The following DOCK11 variants were observed in gnomAD, a reference collection of about 807,000 sequenced individuals.
The protein encoded by DOCK11 is dedicator of cytokinesis 11.
In DOCK11, 70 loss-of-function variants were observed where a neutral mutation model predicts 169.1. The observed-to-expected ratio is 0.41, with a 90% CI of 0.34 to 0.51. The LOEUF (loss-of-function observed/expected upper bound fraction) is 0.51. Ranked by LOEUF, DOCK11 falls within the 20% of genes least tolerant of loss-of-function variation. DOCK11 has a pLI of 0.10. For synonymous variants in DOCK11, 529 were observed against 541.3 expected (o/e 0.98, Z 0.32); for missense variants, 1,166 against 1,538.8 (o/e 0.76, Z 4.05).
intron 38 of DOCK11, 81 bp from the exon 39 acceptor site, chrX:118,641,109 A>T: frequency 1.3e-6 from 1 of 748,592 alleles, no homozygotes; most frequent in South Asian, 2.2e-5. Flanking sequence ...TCTTGTCTTA[A>T]GTCTTTGGGT....
chrX:118,533,798 G>C (rs1387853290), intron 1 of DOCK11, among the ~76,000 whole-genome samples: 1 of 112,303 alleles, frequency 8.9e-6, no homozygotes, highest in Non-Finnish European at 1.9e-5. Flanking sequence ...TCTTTTTGTT[G>C]TTGTTGTTGT....
intron 1 of DOCK11, among the ~76,000 whole-genome samples, chrX:118,526,494 G>T (rs766288765): frequency 8.9e-6 from 1 of 112,237 alleles, no homozygotes; most frequent in South Asian, 3.7e-4. Context: ...CTTGCTTACA[G>T]TCTGAACGTG....
intron 44 of DOCK11, among the ~76,000 whole-genome samples, chrX:118,659,084 A>G (rs1216108510): frequency 9.0e-6 from 1 of 111,366 alleles, no homozygotes; most frequent in Non-Finnish European, 1.9e-5. Context: ...TTTCCTAGTC[A>G]TAGCTTTTCC....
At chrX:118,672,502 G>A (rs190048527) in intron 46 of DOCK11, among the ~76,000 whole-genome samples, 9 of 112,477 alleles carry the variant, frequency 8.0e-5, no homozygotes, top group East Asian at 2.8e-4. Flanking sequence ...GCGCTATCTC[G>A]GCTCACTGCA....
chrX:118,557,344 C>A (rs774510409), intron 6 of DOCK11, among the ~76,000 whole-genome samples: 1 of 111,255 alleles, frequency 9.0e-6, no homozygotes, highest in Non-Finnish European at 1.9e-5. Flanking sequence ...AGAAAGTAAA[C>A]TGTGTGGATA....
At position 118,510,930 on chromosome X, in the gene DOCK11, C is replaced by A. The variant is rs765209207; in HGVS notation, c.102+14857C>A. On this transcript the variant is annotated intron_variant, in intron 1 of 52. Coordinates refer to ENST00000276202, the MANE Select transcript of DOCK11 (RefSeq NM_144658.4). ...GATAAATGGAAACTTCCCCTCTCTA[C>A]CACATCTAGTCACTGCCATCTTAGA... is the stretch of plus-strand genomic sequence containing the variant. Among the ~76,000 whole-genome samples the A allele has an allele frequency of 3.6e-5, 4 of 112,216 alleles. No individual in the cohort carries two copies. The South Asian group carries it at 1.5e-3, about 42-fold the overall frequency.
At chrX:118,622,765 C>T (rs1467998142) in intron 31 of DOCK11, among the ~76,000 whole-genome samples, 4 of 111,632 alleles carry the variant, frequency 3.6e-5, no homozygotes, top group African/African-American at 6.5e-5. Flanking sequence ...CTGGGTTTTG[C>T]GCATGTCTCT....
chrX:118,498,792 C>A (rs1011866749), intron 1 of DOCK11, among the ~76,000 whole-genome samples: 4 of 110,423 alleles, frequency 3.6e-5, no homozygotes, highest in African/African-American at 1.3e-4. Flanking sequence ...TTTGGAATTA[C>A]ACCCTTGTTG....
At position 118,654,589 on chromosome X, in the gene DOCK11, G is replaced by A. The variant is rs751919307; in HGVS notation, c.4696-13G>A. On this transcript the variant is annotated splice_polypyrimidine_tract_variant and intron_variant, in intron 42 of 52. Coordinates refer to ENST00000276202, the MANE Select transcript of DOCK11 (RefSeq NM_144658.4). ...GTTGTTCAACTTGTCTTTTTTGTTT[G>A]TTTTGAAATTAGGCAACTGCCTTTC... 29 of 1,205,278 alleles carry A rather than the reference G, an allele frequency of 2.4e-5. No individual in the cohort carries two copies. In the Admixed American group the frequency reaches 2.6e-4, roughly 11 times the overall value.
chrX:118,660,493 G>A (rs186931832), intron 44 of DOCK11, among the ~76,000 whole-genome samples: 340 of 110,432 alleles, frequency 3.1e-3, no homozygotes, highest in Non-Finnish European at 5.6e-3. Flanking sequence ...TTGAGATGGC[G>A]TCTCGCTGTG....
At chrX:118,625,018 G>A (rs1193472339) in intron 32 of DOCK11, among the ~76,000 whole-genome samples, 2 of 110,216 alleles carry the variant, frequency 1.8e-5, no homozygotes, top group African/African-American at 3.3e-5. Context: ...TCTCAGCCCC[G>A]TGAAGTGCTG....
intron 10 of DOCK11, among the ~76,000 whole-genome samples, chrX:118,571,375 G>C (rs1453899099): frequency 1.9e-5 from 2 of 107,337 alleles, no homozygotes; most frequent in Admixed American, 2.0e-4. Flanking sequence ...TTCTGAGACA[G>C]GATCTCACTC....
At chrX:118,541,695 C>T (rs2012009213) in intron 1 of DOCK11, among the ~76,000 whole-genome samples, 1 of 111,937 alleles carries the variant, frequency 8.9e-6, no homozygotes. Flanking sequence ...GTACAGAAAG[C>T]GCTTAGCACA....
At chrX:118,605,477 G>A in intron 24 of DOCK11, 121 bp downstream of exon 24, 1 of 447,270 alleles carries the variant, frequency 2.2e-6, no homozygotes, top group Non-Finnish European at 3.8e-6. Flanking sequence ...CATAGGTTTT[G>A]GTATGTTGTG....
chrX:118,614,264 C>T (rs913379491), intron 28 of DOCK11, among the ~76,000 whole-genome samples: 2 of 111,742 alleles, frequency 1.8e-5, no homozygotes, highest in African/African-American at 6.5e-5. Flanking sequence ...GCCTCACTTT[C>T]ATCAGCTAAC....
At chrX:118,679,918 A>ATTTT (rs55756738) in intron 48 of DOCK11, among the ~76,000 whole-genome samples, 14 of 55,425 alleles carry the variant, frequency 2.5e-4, no homozygotes, top group African/African-American at 6.9e-4. Context: ...GATTACAGTA[A>ATTTT]TTTTTTTTTT....
In DOCK11 at chrX:118,675,971, T is replaced by C; in HGVS notation, c.5235T>C (p.Ala1745=). ...LTQVYRTLHG[A]YTKILEVMHT... ...AAGTTTATAGAACTCTTCATGGAGCTTACACAAAAATTCTGGAAGTTATGC... is the reference window on the plus strand; with the variant it reads ...AAGTTTATAGAACTCTTCATGGAGCCTACACAAAAATTCTGGAAGTTATGC... The change falls in exon 47 of 53, where the codon GCT becomes GCC. Residue 1745 remains alanine (A), a synonymous_variant. Transcript: ENST00000276202. 8.3e-7 allele frequency: 1 copy of C among 1,199,617 alleles called. No individual in the cohort carries two copies. Among genetic ancestry groups the C allele is most frequent in the Non-Finnish European group, 1.1e-6 (1 of 890,725 alleles).
intron 28 of DOCK11, 136 bp from the exon 29 acceptor site, chrX:118,614,556 A>G: frequency 6.1e-6 from 3 of 489,097 alleles, no homozygotes; most frequent in South Asian, 6.1e-5. Context: ...CCTGAAGCTC[A>G]GAAAGTTATC....
intron 6 of DOCK11, among the ~76,000 whole-genome samples, chrX:118,556,972 C>T (rs1173504450): frequency 2.7e-5 from 3 of 110,887 alleles, no homozygotes; most frequent in African/African-American, 9.9e-5. Flanking sequence ...ATAATAAAGA[C>T]GAGGAGGAGG....
Sources: gnomAD v4.1 joint callset for allele counts (sites outside exome capture counted in the v4.1 genomes callset) on GRCh38, gnomAD v4.1.1 for gene constraint, MANE v1.5 for transcripts, NCBI Gene and HGNC (gene_info 2026-07-23, HGNC 2026-07-21) for gene names.